Variants in CLSTN2 observed in about 807,000 individuals in gnomAD.
CLSTN2 encodes the protein calsyntenin-2.
In CLSTN2, 48 loss-of-function variants were observed where a neutral mutation model predicts 101.2. The ratio of observed to expected loss-of-function variants is 0.47; its 90% CI spans 0.38 to 0.60. The LOEUF is 0.60. Among genes scored for constraint, CLSTN2 ranks in the 20% least tolerant of loss-of-function variants. CLSTN2 has a pLI of 0.00. For missense variants in CLSTN2, 1,160 were observed against 1,238.2 expected, an observed-to-expected ratio of 0.94 and a Z score of 0.95; for synonymous variants, 481 against 463.6, an observed-to-expected ratio of 1.04 and a Z score of -0.48.
intron 8 of CLSTN2, among the ~76,000 whole-genome samples, chr3:140,488,217 A>G (rs975159487): frequency 3.9e-5 from 6 of 152,216 alleles, no homozygotes; most frequent in African/African-American, 1.4e-4. Context: ...CCATTCATCA[A>G]GAAGTTTTGG....
intron 2 of CLSTN2, among the ~76,000 whole-genome samples, chr3:140,394,670 G>A (rs897336310): frequency 2.6e-5 from 4 of 152,114 alleles, no homozygotes; most frequent in Non-Finnish European, 2.9e-5. Flanking sequence ...CTGTAAACAC[G>A]GAGGTGGTTT....
chr3:140,142,256 A>C (rs1351107376), intron 1 of CLSTN2, among the ~76,000 whole-genome samples: 2 of 152,126 alleles, frequency 1.3e-5, no homozygotes, highest in Non-Finnish European at 2.9e-5. Flanking sequence ...TTCATTGTTA[A>C]TTTCATCAGG....
At chr3:140,401,426 T>C (rs904462026) in intron 2 of CLSTN2, among the ~76,000 whole-genome samples, 1 of 152,214 alleles carries the variant, frequency 6.6e-6, no homozygotes, top group Non-Finnish European at 1.5e-5. Context: ...GAAAAATTAG[T>C]TCTATTGAAT....
intron 1 of CLSTN2, among the ~76,000 whole-genome samples, chr3:139,938,146 A>C (rs1245703062): frequency 6.6e-6 from 1 of 151,956 alleles, no homozygotes; most frequent in African/African-American, 2.4e-5. Context: ...ATCACAAAAA[A>C]AAAAAAAAAA....
rs531355840 is a variant in CLSTN2 at position 140,231,645 on chromosome 3, C to T, written c.232+55572C>T. On this transcript the variant is annotated intron_variant, in intron 2 of 16. Transcript: ENST00000458420. The stretch of plus-strand genomic sequence containing the variant: ...AAGTCTCCTCTATGATGTCACGTTG[C>T]TCCATTATCTCTTCGTTGTTTGTCT... Among the ~76,000 whole-genome samples, 14 of 152,290 alleles carry T rather than the reference C, an allele frequency of 9.2e-5. No homozygotes were observed. The South Asian group carries it at 2.9e-3, about 32-fold the overall frequency.
chr3:140,031,033 T>C (rs1560074525), intron 1 of CLSTN2, among the ~76,000 whole-genome samples: 1 of 152,224 alleles, frequency 6.6e-6, no homozygotes. Flanking sequence ...TTATTCCTCT[T>C]GGGAAATCTT....
intron 5 of CLSTN2, among the ~76,000 whole-genome samples, chr3:140,439,142 C>T (rs971896810): frequency 6.6e-6 from 1 of 152,216 alleles, no homozygotes; most frequent in African/African-American, 2.4e-5. Flanking sequence ...GGTTTCCTCT[C>T]ACAGCATGGG....
At chr3:140,481,676 T>G (rs1934121214) in intron 8 of CLSTN2, among the ~76,000 whole-genome samples, 1 of 152,206 alleles carries the variant, frequency 6.6e-6, no homozygotes, top group Admixed American at 6.5e-5. Context: ...CCCTTGTAAG[T>G]TGGATTCCTA....
chr3:139,969,634 C>T (rs924960687), intron 1 of CLSTN2, among the ~76,000 whole-genome samples: 2 of 152,226 alleles, frequency 1.3e-5, no homozygotes, highest in Admixed American at 1.3e-4. Context: ...AAAACACCAA[C>T]CCAACTGCGT....
intron 1 of CLSTN2, among the ~76,000 whole-genome samples, chr3:140,093,633 C>T (rs948156630): frequency 2.0e-5 from 3 of 152,062 alleles, no homozygotes; most frequent in Non-Finnish European, 4.4e-5. Flanking sequence ...ACATAGATCT[C>T]GTAATTTTAA....
intron 1 of CLSTN2, among the ~76,000 whole-genome samples, chr3:139,977,923 T>G (rs7628696): frequency 6.6e-6 from 1 of 152,004 alleles, no homozygotes; most frequent in South Asian, 2.1e-4. Context: ...TAATGCTTCC[T>G]TTGCTGGCCT....
intron 2 of CLSTN2, among the ~76,000 whole-genome samples, chr3:140,322,024 A>G (rs996370257): frequency 6.6e-6 from 1 of 152,206 alleles, no homozygotes; most frequent in Admixed American, 6.5e-5. Flanking sequence ...CTGTAGCTCC[A>G]TCTCTTCAGA....
At chr3:140,437,150 G>T (rs1004326077) in intron 5 of CLSTN2, among the ~76,000 whole-genome samples, 1 of 150,356 alleles carries the variant, frequency 6.7e-6, no homozygotes, top group African/African-American at 2.4e-5. Context: ...CCAGGTTCAC[G>T]CCATTCTCCT....
rs115861959 is a variant in CLSTN2 at position 140,361,503 on chromosome 3, A to G, written c.233-42126A>G. On this transcript the variant is annotated intron_variant, in intron 2 of 16. Transcript: ENST00000458420. ...ACATTGAAATAAAACAAACAAAAAGATATTAAAGACATTTGGATTGGAAAG... is the reference window on the plus strand; with the variant it reads ...ACATTGAAATAAAACAAACAAAAAGGTATTAAAGACATTTGGATTGGAAAG... Among the ~76,000 whole-genome samples, 1,097 of 152,262 alleles carry G rather than the reference A, an allele frequency of 7.2e-3. 12 individuals carry two copies. Among genetic ancestry groups the G allele is most frequent in the African/African-American group, 0.025 (1,056 of 41,562 alleles).
chr3:140,144,572 C>T lies in CLSTN2; in HGVS notation c.110-31379C>T, dbSNP rs61287868. ...CGTAGGTTGCAGTGAGCCAAGATCGCGCCACTGCACTCCAGCCTGGGCATC... is the reference window on the plus strand; with the variant it reads ...CGTAGGTTGCAGTGAGCCAAGATCGTGCCACTGCACTCCAGCCTGGGCATC... On this transcript the variant is annotated intron_variant, in intron 1 of 16. Coordinates refer to ENST00000458420, the MANE Select transcript of CLSTN2 (RefSeq NM_022131.3). Among the ~76,000 whole-genome samples, 1,048 of 152,058 alleles carry T rather than the reference C, an allele frequency of 6.9e-3. 5 individuals carry two copies. The highest frequency in any genetic ancestry group is 0.024 in the African/African-American group (984 of 41,470).
intron 2 of CLSTN2, among the ~76,000 whole-genome samples, chr3:140,179,810 T>TG (rs2010381400): frequency 6.6e-6 from 1 of 152,186 alleles, no homozygotes; most frequent in Admixed American, 6.5e-5. Flanking sequence ...ACTGGCAGTT[T>TG]GTCTATTTCC....
chr3:140,215,156 C>T (rs529259778), intron 2 of CLSTN2, among the ~76,000 whole-genome samples: 17 of 152,006 alleles, frequency 1.1e-4, no homozygotes, highest in African/African-American at 3.1e-4. Context: ...GTGGCTTTGC[C>T]GTCTTTCTCT....
intron 5 of CLSTN2, among the ~76,000 whole-genome samples, chr3:140,432,019 A>G (rs1014005129): frequency 6.6e-6 from 1 of 152,206 alleles, no homozygotes; most frequent in Admixed American, 6.5e-5. Flanking sequence ...ACACACACAC[A>G]TGAGTACACA....
intron 8 of CLSTN2, among the ~76,000 whole-genome samples, chr3:140,494,102 A>G (rs1159189034): frequency 6.6e-6 from 1 of 152,232 alleles, no homozygotes; most frequent in Non-Finnish European, 1.5e-5. Context: ...ATAAGACAAT[A>G]TTACATCAAG....
Sources: allele counts gnomAD v4.1 joint callset (sites outside exome capture counted in the v4.1 genomes callset), GRCh38; gene constraint gnomAD v4.1.1; transcripts MANE v1.5; gene names NCBI Gene and HGNC (gene_info 2026-07-23, HGNC 2026-07-21).